The following ULK4 variants were observed in gnomAD, a reference collection of about 807,000 sequenced individuals.
ULK4 encodes unc-51 like kinase 4, also known as inactive serine/threonine-protein kinase ULK4.
Under a neutral mutation model 160.6 loss-of-function variants are expected in ULK4, and 133 were observed. The ratio of observed to expected loss-of-function variants is 0.83; its 90% CI spans 0.72 to 0.96. ULK4 has a LOEUF of 0.96. ULK4 is among the 40% of genes least tolerant of loss of function. The probability of loss-of-function intolerance (pLI) is 0.00; values close to 1 mark genes in which losing one functional copy is unlikely to be tolerated. For missense variants in ULK4, 1,580 were observed against 1,499.5 expected (o/e 1.05, Z -0.89); for synonymous variants, 534 against 539.8 (o/e 0.99, Z 0.15).
chr3:41,763,093 T>G (rs1257678074), intron 21 of ULK4, among the ~76,000 whole-genome samples: 1 of 152,028 alleles, frequency 6.6e-6, no homozygotes, highest in Non-Finnish European at 1.5e-5. Flanking sequence ...CACGTGCGAA[T>G]TACAATTCAA....
chr3:41,384,952 G>T (rs2081768399), intron 35 of ULK4, among the ~76,000 whole-genome samples: 1 of 152,096 alleles, frequency 6.6e-6, no homozygotes, highest in Non-Finnish European at 1.5e-5. Flanking sequence ...CTACTCGGAA[G>T]GCTGAGGTGA....
At chr3:41,919,445 T>C (rs1699106868) in intron 6 of ULK4, among the ~76,000 whole-genome samples, 2 of 151,832 alleles carry the variant, frequency 1.3e-5, no homozygotes, top group South Asian at 4.1e-4. Context: ...CTACTAAAAA[T>C]AGAAAAAACT....
At chr3:41,670,269 A>G (rs1338155984) in intron 29 of ULK4, among the ~76,000 whole-genome samples, 2 of 152,168 alleles carry the variant, frequency 1.3e-5, no homozygotes, top group South Asian at 4.1e-4. Flanking sequence ...TGCTACAAGA[A>G]AGGGGTAGAT....
chr3:41,833,281 T>G (rs1266082842), intron 18 of ULK4, among the ~76,000 whole-genome samples: 4 of 144,744 alleles, frequency 2.8e-5, no homozygotes, highest in African/African-American at 1.0e-4. Context: ...GTTGTTTTTT[T>G]TTTTGTTTTT....
chr3:41,548,610 C>G lies in ULK4; in HGVS notation c.3226+17415G>C, dbSNP rs535273775. Among the ~76,000 whole-genome samples the G allele has an allele frequency of 1.2e-4, 18 of 152,264 alleles. No homozygotes were observed. In the East Asian group the frequency reaches 3.3e-3, roughly 28 times the overall value. ...GGGAGCCCAACAGTTGGCTCGCCAC[C>G]ACAATGCCATTGCAGATGCCATGTA... On this transcript the variant is annotated intron_variant, in intron 32 of 36. Coordinates refer to ENST00000301831, the MANE Select transcript of ULK4 (RefSeq NM_017886.4).
At chr3:41,732,443 T>A (rs1160289007) in intron 22 of ULK4, among the ~76,000 whole-genome samples, 2 of 151,972 alleles carry the variant, frequency 1.3e-5, no homozygotes, top group Admixed American at 6.6e-5. Flanking sequence ...GAGTGGCTAT[T>A]AACAAAAATA....
chr3:41,798,264 A>C (rs1174807227), intron 20 of ULK4, among the ~76,000 whole-genome samples: 3 of 152,230 alleles, frequency 2.0e-5, no homozygotes, highest in African/African-American at 7.2e-5. Context: ...AATTAAAACA[A>C]GACAGATTTT....
At chr3:41,741,844 A>G (rs2038248853) in intron 22 of ULK4, among the ~76,000 whole-genome samples, 1 of 151,918 alleles carries the variant, frequency 6.6e-6, no homozygotes, top group Non-Finnish European at 1.5e-5. Flanking sequence ...AAAAAGGTGG[A>G]CTGGCTACAG....
rs758141846 is a variant in ULK4 at position 41,883,951 on chromosome 3, G to C, written c.1579C>G (p.Arg527Gly). The change falls in exon 17 of 37, where the codon CGG (arginine) becomes GGG (glycine). Residue 527 changes from arginine to glycine, a missense_variant and splice_region_variant. Physicochemically the swap from Arg to Gly is moderately radical, Grantham distance 125. Coordinates refer to ENST00000301831, the MANE Select transcript of ULK4 (RefSeq NM_017886.4). ...CCAATTACGTGAGCAACCTTGGCCC[G>C]TCTGTAAATGGAGAGAAAACAGGCT... is the stretch of plus-strand genomic sequence containing the variant. Reference protein sequence around the residue: ...HLRIAPNWDIRAKVAHVIGLL... With the variant: ...HLRIAPNWDIGAKVAHVIGLL... 3 of 1,605,722 alleles carry C rather than the reference G, an allele frequency of 1.9e-6. No individual in the cohort carries two copies. The highest frequency in any genetic ancestry group is 1.3e-5 in the African/African-American group (1 of 74,868).
At chr3:41,862,258 CTT>C (rs1272826310) in intron 17 of ULK4, among the ~76,000 whole-genome samples, 1 of 149,662 alleles carries the variant, frequency 6.7e-6, no homozygotes, top group African/African-American at 2.5e-5. Context: ...ATTTCAATCT[CTT>C]TGTTAAATTT....
chr3:41,422,456 TGTTTAA>T (rs934091609), intron 34 of ULK4, among the ~76,000 whole-genome samples: 16 of 152,182 alleles, frequency 1.1e-4, no homozygotes, highest in African/African-American at 3.6e-4. Flanking sequence ...ATTTTAAGAA[TGTTTAA>T]GTTTGATATT....
At chr3:41,791,868 G>C (rs1343183209) in intron 20 of ULK4, among the ~76,000 whole-genome samples, 2 of 152,128 alleles carry the variant, frequency 1.3e-5, no homozygotes, top group African/African-American at 4.8e-5. Context: ...ACTATCATAT[G>C]AAACACCTAT....
chr3:41,501,031 A>G (rs896005764), intron 32 of ULK4, among the ~76,000 whole-genome samples: 4 of 152,204 alleles, frequency 2.6e-5, no homozygotes, highest in Non-Finnish European at 4.4e-5. Context: ...TCAGGGCGAT[A>G]CAAATTAAGA....
chr3:41,745,843 G>A (rs2038400917), intron 22 of ULK4, among the ~76,000 whole-genome samples: 2 of 151,432 alleles, frequency 1.3e-5, no homozygotes, highest in Admixed American at 1.3e-4. Context: ...TGCAATTGCT[G>A]TAGAATTTGA....
chr3:41,872,370 G>A (rs1697128411), intron 17 of ULK4, among the ~76,000 whole-genome samples: 1 of 152,108 alleles, frequency 6.6e-6, no homozygotes, highest in Non-Finnish European at 1.5e-5. Context: ...GACTGTAAAG[G>A]AACTTGTACA....
chr3:41,444,361 T>TTCTCTCTCTCTCTCTCTCTC (rs56744200), intron 34 of ULK4, among the ~76,000 whole-genome samples: 8 of 146,676 alleles, frequency 5.5e-5, no homozygotes, highest in South Asian at 2.2e-4. Context: ...TTTAAGTGAC[T>TTCTCTCTCTCTCTCTCTCTC]TCTCTCTCTC....
In ULK4 at chr3:41,693,179, C is replaced by G. The variant is rs73828227; in HGVS notation, c.2782-11375G>C. Among the ~76,000 whole-genome samples the G allele has an allele frequency of 6.0e-3, 914 of 152,228 alleles. 9 individuals are homozygous for G. Among genetic ancestry groups the G allele is most frequent in the African/African-American group, 0.021 (890 of 41,540 alleles). On this transcript the variant is annotated intron_variant, in intron 27 of 36. Coordinates refer to ENST00000301831, the MANE Select transcript of ULK4 (RefSeq NM_017886.4). ...ATGGCCACATTAGGTTGGTAACACA[C>G]TATTGGGAAGACTGTGTCGAAACTA...
In ULK4 at chr3:41,318,851, T is replaced by TA. The variant is rs2080194422; in HGVS notation, c.3679-69278dup. 2.0e-5 allele frequency among the ~76,000 whole-genome samples: 3 copies of TA among 152,230 alleles called. No individual in the cohort carries two copies. In the South Asian group the frequency reaches 6.2e-4, roughly 31 times the overall value. On this transcript the variant is annotated intron_variant, in intron 35 of 36. Coordinates refer to ENST00000301831, the MANE Select transcript of ULK4 (RefSeq NM_017886.4). ...AGCTGTATTTGGAATGAAGAGGACT[T>TA]AATCAGTGATGCCCCTTTATAACCT...
At chr3:41,529,477 A>T (rs1006924510) in intron 32 of ULK4, among the ~76,000 whole-genome samples, 8 of 152,136 alleles carry the variant, frequency 5.3e-5, no homozygotes, top group Admixed American at 5.2e-4. Flanking sequence ...AACATATAAG[A>T]GCTTCTTGAG....
Sources: gnomAD v4.1 joint callset for allele counts (sites outside exome capture counted in the v4.1 genomes callset) on GRCh38, gnomAD v4.1.1 for gene constraint, MANE v1.5 for transcripts, NCBI Gene and HGNC (gene_info 2026-07-23, HGNC 2026-07-21) for gene names.